Variants in GMDS observed in about 807,000 individuals in gnomAD.
The protein encoded by GMDS is GDP-mannose 4,6 dehydratase.
A neutral mutation model predicts 49.9 loss-of-function variants in GMDS; 20 were observed. The observed-to-expected ratio is 0.40, with a 90% CI of 0.28 to 0.58. The LOEUF is 0.58. Ranked by LOEUF, GMDS falls within the 20% of genes least tolerant of loss-of-function variation. The pLI, the probability that GMDS is intolerant of heterozygous loss-of-function variation, is 0.42. For synonymous variants in GMDS, 177 were observed against 178.6 expected (o/e 0.99, Z 0.07); for missense variants, 362 against 481.4 (o/e 0.75, Z 2.32).
At chr6:2,171,971 A>G (rs1203753633) in intron 1 of GMDS, among the ~76,000 whole-genome samples, 1 of 152,232 alleles carries the variant, frequency 6.6e-6, no homozygotes, top group Non-Finnish European at 1.5e-5. Context: ...TGGCCGGCTA[A>G]TCTGAGAGGC....
chr6:1,966,602 G>T (rs545421650), intron 4 of GMDS, among the ~76,000 whole-genome samples: 119 of 152,236 alleles, frequency 7.8e-4, no homozygotes, highest in Admixed American at 2.4e-3. Flanking sequence ...CCACCCTCCA[G>T]CTGTGTCATC....
chr6:1,914,234 A>G (rs1331828558), intron 7 of GMDS, among the ~76,000 whole-genome samples: 1 of 142,578 alleles, frequency 7.0e-6, no homozygotes, highest in Non-Finnish European at 1.5e-5. Flanking sequence ...AGGCCGGGGT[A>G]TCATGAGGTC....
At chr6:1,898,495 T>C (rs1760334823) in intron 7 of GMDS, among the ~76,000 whole-genome samples, 2 of 152,212 alleles carry the variant, frequency 1.3e-5, no homozygotes, top group South Asian at 4.1e-4. Context: ...TTCTATAATA[T>C]GGGCAAAATA....
At chr6:1,939,170 A>C (rs1762693799) in intron 6 of GMDS, among the ~76,000 whole-genome samples, 1 of 152,108 alleles carries the variant, frequency 6.6e-6, no homozygotes, top group Non-Finnish European at 1.5e-5. Context: ...GAATTAGATA[A>C]TTCCAGTATC....
intron 4 of GMDS, among the ~76,000 whole-genome samples, chr6:2,007,291 C>G (rs1008247528): frequency 3.3e-5 from 5 of 152,116 alleles, no homozygotes; most frequent in Admixed American, 2.0e-4. Flanking sequence ...AGGACCAATG[C>G]AAGTAATACC....
intron 7 of GMDS, among the ~76,000 whole-genome samples, chr6:1,754,919 C>T (rs1198497040): frequency 6.6e-6 from 1 of 152,240 alleles, no homozygotes; most frequent in African/African-American, 2.4e-5. Context: ...TATGACAAAC[C>T]CACAGCCAAT....
intron 1 of GMDS, among the ~76,000 whole-genome samples, chr6:2,228,604 C>A (rs1446665737): frequency 6.6e-6 from 1 of 152,160 alleles, no homozygotes; most frequent in African/African-American, 2.4e-5. Flanking sequence ...CAAATCCTTC[C>A]AAAGAAAACT....
chr6:2,083,513 A>G (rs906766695), intron 4 of GMDS, among the ~76,000 whole-genome samples: 2 of 152,224 alleles, frequency 1.3e-5, no homozygotes, highest in Non-Finnish European at 2.9e-5. Context: ...AGAAGGAAAA[A>G]TCAAATCATT....
At chr6:1,941,248 C>T (rs1355486452) in intron 6 of GMDS, among the ~76,000 whole-genome samples, 1 of 152,034 alleles carries the variant, frequency 6.6e-6, no homozygotes, top group Non-Finnish European at 1.5e-5. Context: ...TGAGGGCACA[C>T]ATTTGGGAAC....
chr6:2,122,194 T>C (rs1775175272), intron 2 of GMDS, among the ~76,000 whole-genome samples: 1 of 152,214 alleles, frequency 6.6e-6, no homozygotes, highest in Non-Finnish European at 1.5e-5. Flanking sequence ...ATTCAATCAA[T>C]CACCTGATCT....
At chr6:1,683,324 C>T (rs907128428) in intron 9 of GMDS, among the ~76,000 whole-genome samples, 3 of 152,148 alleles carry the variant, frequency 2.0e-5, no homozygotes, top group Non-Finnish European at 2.9e-5. Context: ...CGGGTTTCAC[C>T]GTGTTAGCCA....
Position 2,198,304 on chromosome 6 carries a change from G to A in GMDS, c.102+47017C>T, listed in dbSNP as rs116321525. On this transcript the variant is annotated intron_variant, in intron 1 of 10. Coordinates refer to ENST00000380815, the MANE Select transcript of GMDS (RefSeq NM_001500.4). ...ACATGTAATTCCTGAAGAAGGGGCT[G>A]CCTGTCAACAGGCATATCCTCACTT... 5.7e-3 allele frequency among the ~76,000 whole-genome samples: 862 copies of A among 152,286 alleles called. 2 individuals carry two copies. The highest frequency in any genetic ancestry group is 0.017 in the Middle Eastern group (5 of 294).
At chr6:2,012,258 A>G (rs1406392121) in intron 4 of GMDS, among the ~76,000 whole-genome samples, 1 of 152,182 alleles carries the variant, frequency 6.6e-6, no homozygotes, top group Admixed American at 6.6e-5. Context: ...AAATTTATAG[A>G]AATACAAATG....
chr6:1,686,043 T>A (rs1041178490), intron 9 of GMDS, among the ~76,000 whole-genome samples: 1 of 152,106 alleles, frequency 6.6e-6, no homozygotes, highest in East Asian at 1.9e-4. Flanking sequence ...CGCTCCACAT[T>A]GGGCTTTCTG....
intron 8 of GMDS, 96 bp downstream of exon 8, chr6:1,742,372 T>G: frequency 2.8e-6 from 2 of 704,754 alleles, no homozygotes; most frequent in Admixed American, 2.0e-5. Flanking sequence ...TTCAGGAGAG[T>G]GAAGGGGGAA....
chr6:1,810,211 G>A (rs1414104793), intron 7 of GMDS, among the ~76,000 whole-genome samples: 1 of 152,182 alleles, frequency 6.6e-6, no homozygotes, highest in Non-Finnish European at 1.5e-5. Context: ...GGTGTGGGAT[G>A]GGGCACACCA....
intron 4 of GMDS, among the ~76,000 whole-genome samples, chr6:2,111,129 G>A (rs540366628): frequency 2.0e-5 from 3 of 152,238 alleles, no homozygotes; most frequent in South Asian, 2.1e-4. Flanking sequence ...GGGACGAATC[G>A]AAAATCCGGA....
intron 9 of GMDS, among the ~76,000 whole-genome samples, chr6:1,710,499 T>C (rs1561747962): frequency 6.6e-6 from 1 of 152,222 alleles, no homozygotes; most frequent in Non-Finnish European, 1.5e-5. Context: ...CTTCCGCCTA[T>C]CAGAGAACTG....
At chr6:1,936,476 G>T (rs980267880) in intron 6 of GMDS, among the ~76,000 whole-genome samples, 5 of 152,174 alleles carry the variant, frequency 3.3e-5, no homozygotes, top group African/African-American at 1.2e-4. Context: ...CAAGGCAAGG[G>T]AATAATAGCT....
Sources: allele counts gnomAD v4.1 joint callset (sites outside exome capture counted in the v4.1 genomes callset), GRCh38; gene constraint gnomAD v4.1.1; transcripts MANE v1.5; gene names NCBI Gene and HGNC (gene_info 2026-07-23, HGNC 2026-07-21).